ZPBP: variants seen among roughly 807,000 people sequenced by gnomAD.
The protein encoded by ZPBP is zona pellucida binding protein.
Under a neutral mutation model 44.8 loss-of-function variants are expected in ZPBP, and 26 were observed. The observed-to-expected ratio is 0.58, with a 90% confidence interval of 0.43 to 0.81. ZPBP has a LOEUF of 0.81. Ranked by LOEUF, ZPBP falls within the 30% of genes least tolerant of loss-of-function variation. The probability of loss-of-function intolerance (pLI) is 0.00; values close to 1 mark genes in which losing one functional copy is unlikely to be tolerated. For synonymous variants in ZPBP, 174 were observed against 153.2 expected (o/e 1.14, Z -1.00); for missense variants, 409 against 434.0 (o/e 0.94, Z 0.51).
chr7:50,061,673 A>C (rs1481026536), intron 3 of ZPBP, among the ~76,000 whole-genome samples: 1 of 152,218 alleles, frequency 6.6e-6, no homozygotes, highest in Non-Finnish European at 1.5e-5. Flanking sequence ...ATCTTGAACA[A>C]ACACTGCCAC....
At chr7:49,874,287 T>C (rs540750807) in intron 2 of ZPBP, among the ~76,000 whole-genome samples, 1 of 152,386 alleles carries the variant, frequency 6.6e-6, no homozygotes, top group East Asian at 1.9e-4. Flanking sequence ...ATTTTTACTC[T>C]ACCTTTTCTA....
rs59910243 is a variant in ZPBP, at chr7:49,857,009, C to CAAAAAAAAAAAAAAAAAA, written n.510-6513_510-6496dup. Among the ~76,000 whole-genome samples the CAAAAAAAAAAAAAAAAAA allele has an allele frequency of 1.1e-4, 6 of 52,786 alleles. No individual in the cohort carries two copies. The Admixed American group carries it at 1.2e-3, about 10-fold the overall frequency. 34.6% of individuals were successfully genotyped at this position (52,786 alleles called of 152,430 possible). A position where few individuals can be genotyped will look rare whatever the true frequency, so the allele number is the denominator to read the frequency against. On this transcript the variant is annotated intron_variant and non_coding_transcript_variant, in intron 2 of 2. Coordinates refer to the ZPBP transcript ENST00000465922. ...TGGGTGACAGAGCCAGATACTGTCT[C>CAAAAAAAAAAAAAAAAAA]AAAAAAAAAAAAAAAAAAAAAAAAA...
Position 50,051,286 on chromosome 7 carries a change from G to C in ZPBP, c.487+6703C>G, listed in dbSNP as rs138877977. 4.5e-3 allele frequency among the ~76,000 whole-genome samples: 687 copies of C among 152,226 alleles called. 3 individuals are homozygous for C. The highest frequency in any genetic ancestry group is 0.016 in the African/African-American group (667 of 41,548). On this transcript the variant is annotated intron_variant, in intron 4 of 7. Coordinates refer to ENST00000046087, the MANE Select transcript of ZPBP (RefSeq NM_007009.3). Reference sequence around the variant, plus strand: ...ATTATTAAAAGGTCAAGAAATAACAGATGCTGTCGAGGTTGAGGAGAAACA... The same window carrying C: ...ATTATTAAAAGGTCAAGAAATAACACATGCTGTCGAGGTTGAGGAGAAACA...
the ZPBP span, among the ~76,000 whole-genome samples, chr7:49,844,659 G>A: frequency 3.3e-5 from 5 of 152,112 alleles, no homozygotes; most frequent in African/African-American, 1.2e-4. Context: ...ACACGTAGCA[G>A]CCACATTACC....
intron 7 of ZPBP, among the ~76,000 whole-genome samples, chr7:49,950,613 ATATG>A (rs1186445905): frequency 2.0e-5 from 3 of 151,754 alleles, no homozygotes; most frequent in Non-Finnish European, 4.4e-5. Context: ...ATGTCTATTT[ATATG>A]TACACATATA....
intron 4 of ZPBP, 28 bp from the exon 5 acceptor site, chr7:50,031,338 CA>C: frequency 6.5e-7 from 1 of 1,540,412 alleles, no homozygotes; most frequent in Non-Finnish European, 8.9e-7. Context: ...GAGAAAGACA[CA>C]AAAATGGTTA....
intron 1 of ZPBP, among the ~76,000 whole-genome samples, chr7:49,910,143 T>C (rs956763391): frequency 1.3e-5 from 2 of 151,582 alleles, no homozygotes; most frequent in Non-Finnish European, 2.9e-5. Flanking sequence ...GAAAACAGAG[T>C]TCAGGGAGGG....
chr7:49,909,495 G>C (rs912873084), intron 1 of ZPBP, among the ~76,000 whole-genome samples: 2 of 152,156 alleles, frequency 1.3e-5, no homozygotes, highest in African/African-American at 2.4e-5. Flanking sequence ...AGTTGTGTGG[G>C]GTGTGGTGGA....
chr7:49,869,886 CTG>C (rs2128722883), intron 2 of ZPBP, among the ~76,000 whole-genome samples: 1 of 152,070 alleles, frequency 6.6e-6, no homozygotes, highest in South Asian at 2.1e-4. Flanking sequence ...GATTAACAAA[CTG>C]TGGCCTATTC....
chr7:49,975,901 T>C (rs1395902797), intron 7 of ZPBP, among the ~76,000 whole-genome samples: 1 of 152,222 alleles, frequency 6.6e-6, no homozygotes, highest in Non-Finnish European at 1.5e-5. Context: ...TTGTACTTTT[T>C]TGTCCCCTTT....
intron 3 of ZPBP, among the ~76,000 whole-genome samples, chr7:50,061,162 C>G (rs936843690): frequency 1.1e-4 from 17 of 152,070 alleles, no homozygotes; most frequent in Admixed American, 1.1e-3. Flanking sequence ...GAACATACCT[C>G]AACATAATAA....
intron 2 of ZPBP, among the ~76,000 whole-genome samples, chr7:49,882,813 A>G (rs1316081083): frequency 1.3e-5 from 2 of 152,162 alleles, no homozygotes; most frequent in Non-Finnish European, 2.9e-5. Context: ...CAAGTCATTT[A>G]TAAGTTTCAA....
At chr7:50,069,518 A>AC (rs1801722615) in intron 3 of ZPBP, among the ~76,000 whole-genome samples, 1 of 152,206 alleles carries the variant, frequency 6.6e-6, no homozygotes, top group Non-Finnish European at 1.5e-5. Context: ...AACCCTAGTC[A>AC]CCACCTTAAA....
chr7:49,843,060 C>T, the ZPBP span, among the ~76,000 whole-genome samples: 306 of 152,178 alleles, frequency 2.0e-3, 1 homozygote, highest in African/African-American at 7.1e-3. Flanking sequence ...TTCCCCGAGT[C>T]GCTGCATTGC....
At chr7:49,934,344 T>C (rs1794555533), downstream of ZPBP, among the ~76,000 whole-genome samples, 1 of 152,164 alleles carries the variant, frequency 6.6e-6, no homozygotes, top group African/African-American at 2.4e-5. Context: ...AGCAATGTCT[T>C]CTCTACTTTG....
At chr7:49,887,634 A>G (rs984582542) in intron 2 of ZPBP, among the ~76,000 whole-genome samples, 3 of 152,224 alleles carry the variant, frequency 2.0e-5, no homozygotes, top group African/African-American at 7.2e-5. Context: ...AGGATTCAAC[A>G]CAACTTATGG....
At chr7:50,072,247 A>G (rs1801876381) in intron 3 of ZPBP, among the ~76,000 whole-genome samples, 1 of 152,202 alleles carries the variant, frequency 6.6e-6, no homozygotes. Flanking sequence ...GGTGGCTATC[A>G]GGTGAGGCTC....
chr7:49,960,666 A>G (rs1795832242), intron 7 of ZPBP, among the ~76,000 whole-genome samples: 3 of 152,150 alleles, frequency 2.0e-5, no homozygotes, highest in Admixed American at 2.0e-4. Flanking sequence ...AAGATAAACA[A>G]ACCACTTAAA....
At chr7:49,939,247 T>C (rs189151507) in intron 7 of ZPBP, among the ~76,000 whole-genome samples, 1 of 152,314 alleles carries the variant, frequency 6.6e-6, no homozygotes, top group African/African-American at 2.4e-5. Flanking sequence ...GAAATCTGCA[T>C]GCAGTCTTTA....
Sources: allele counts gnomAD v4.1 joint callset (sites outside exome capture counted in the v4.1 genomes callset), GRCh38; gene constraint gnomAD v4.1.1; transcripts MANE v1.5; gene names NCBI Gene and HGNC (gene_info 2026-07-23, HGNC 2026-07-21).